The following CNTNAP5 variants were observed in gnomAD, a reference collection of about 807,000 sequenced individuals.
CNTNAP5 encodes contactin-associated protein-like 5.
CNTNAP5 carries 72 observed loss-of-function variants against 150.2 expected under a neutral mutation model. The ratio of observed to expected loss-of-function variants is 0.48; its 90% CI spans 0.40 to 0.58. The LOEUF (loss-of-function observed/expected upper bound fraction) is 0.58. CNTNAP5 is among the 20% of genes least tolerant of loss of function. CNTNAP5 has a pLI of 0.00. For missense variants in CNTNAP5, 1,636 were observed against 1,626.2 expected (o/e 1.01, Z -0.10); for synonymous variants, 672 against 619.8 (o/e 1.08, Z -1.25).
At chr2:124,468,277 C>T (rs1693428177) in intron 6 of CNTNAP5, among the ~76,000 whole-genome samples, 1 of 152,096 alleles carries the variant, frequency 6.6e-6, no homozygotes, top group Non-Finnish European at 1.5e-5. Context: ...AAGGTAGTGG[C>T]TCAGTCCAAG....
chr2:124,282,865 A>G (rs1157630078), intron 3 of CNTNAP5, among the ~76,000 whole-genome samples: 3 of 152,300 alleles, frequency 2.0e-5, no homozygotes, highest in South Asian at 4.1e-4. Flanking sequence ...TTTCTATTAT[A>G]TATGAAATAG....
At chr2:124,168,532 G>A (rs1684858697) in intron 1 of CNTNAP5, among the ~76,000 whole-genome samples, 1 of 152,144 alleles carries the variant, frequency 6.6e-6, no homozygotes, top group Non-Finnish European at 1.5e-5. Flanking sequence ...AACCTGCTCC[G>A]ATGTGGTTGG....
chr2:124,301,498 A>ACTTTATAATG (rs1296866283), intron 3 of CNTNAP5, among the ~76,000 whole-genome samples: 1 of 152,184 alleles, frequency 6.6e-6, no homozygotes, highest in Non-Finnish European at 1.5e-5. Flanking sequence ...TTGGAAAATG[A>ACTTTATAATG]CTTTATAATG....
At chr2:124,534,699 C>A (rs1573442566) in intron 10 of CNTNAP5, among the ~76,000 whole-genome samples, 1 of 152,230 alleles carries the variant, frequency 6.6e-6, no homozygotes, top group African/African-American at 2.4e-5. Context: ...ATGGCGAAAC[C>A]CCGTCTCTAC....
intron 3 of CNTNAP5, among the ~76,000 whole-genome samples, chr2:124,332,810 G>T (rs1689381437): frequency 6.6e-6 from 1 of 151,996 alleles, no homozygotes. Flanking sequence ...ATCTAATAGT[G>T]ATAAAAGTTG....
intron 6 of CNTNAP5, among the ~76,000 whole-genome samples, chr2:124,466,961 T>C (rs1693392399): frequency 6.6e-6 from 1 of 151,974 alleles, no homozygotes; most frequent in African/African-American, 2.4e-5. Context: ...TAAAAACAGG[T>C]TTGAAATGCG....
chr2:124,578,350 A>T (rs1405328663), intron 11 of CNTNAP5, among the ~76,000 whole-genome samples: 1 of 149,654 alleles, frequency 6.7e-6, no homozygotes, highest in Non-Finnish European at 1.5e-5. Flanking sequence ...AAAAAAAAAG[A>T]TGCTGAACAT....
chr2:124,172,713 A>G (rs1447523333), intron 1 of CNTNAP5, among the ~76,000 whole-genome samples: 1 of 151,954 alleles, frequency 6.6e-6, no homozygotes, highest in Non-Finnish European at 1.5e-5. Context: ...GGCACCCGGC[A>G]GTATCATGGT....
At chr2:124,636,853 C>T (rs965437262) in intron 12 of CNTNAP5, among the ~76,000 whole-genome samples, 14 of 149,526 alleles carry the variant, frequency 9.4e-5, no homozygotes, top group African/African-American at 2.7e-4. Context: ...ATACCCTTCA[C>T]GTTTACGATT....
chr2:124,064,908 G>A (rs1487883756), intron 1 of CNTNAP5, among the ~76,000 whole-genome samples: 2 of 152,146 alleles, frequency 1.3e-5, no homozygotes, highest in African/African-American at 2.4e-5. Context: ...TGGAAAGTGG[G>A]TTTTGACCCT....
At chr2:124,776,381 A>T (rs1455424089) in intron 17 of CNTNAP5, among the ~76,000 whole-genome samples, 1 of 152,098 alleles carries the variant, frequency 6.6e-6, no homozygotes, top group Non-Finnish European at 1.5e-5. Context: ...CACTGACTTG[A>T]TAAGTCATAA....
At chr2:124,233,738 C>T (rs565313219) in intron 2 of CNTNAP5, among the ~76,000 whole-genome samples, 87 of 151,438 alleles carry the variant, frequency 5.7e-4, no homozygotes, top group Admixed American at 1.1e-3. Flanking sequence ...CAATTCAATA[C>T]ACTCATATTT....
At chr2:124,771,283 T>C (rs1259372870) in intron 16 of CNTNAP5, among the ~76,000 whole-genome samples, 4 of 152,180 alleles carry the variant, frequency 2.6e-5, no homozygotes, top group Non-Finnish European at 5.9e-5. Flanking sequence ...AAGGAATGCC[T>C]AGCATATGAA....
chr2:124,166,139 A>C (rs1168133166), intron 1 of CNTNAP5, among the ~76,000 whole-genome samples: 5 of 152,164 alleles, frequency 3.3e-5, no homozygotes, highest in Non-Finnish European at 2.9e-5. Context: ...AAAATTCTTG[A>C]AACAGCCAAA....
chr2:124,382,232 A>G (rs1690813517), intron 3 of CNTNAP5, among the ~76,000 whole-genome samples: 1 of 152,066 alleles, frequency 6.6e-6, no homozygotes, highest in Non-Finnish European at 1.5e-5. Context: ...TCTGCACTGG[A>G]AAGAAGGTAG....
At chr2:124,446,959 C>A in intron 6 of CNTNAP5, 22 bp downstream of exon 6, 1 of 1,604,250 alleles carries the variant, frequency 6.2e-7, no homozygotes, top group Non-Finnish European at 8.5e-7. Context: ...CTCCTTCCTG[C>A]ACCTCCTCGG....
At chr2:124,830,206 A>G (rs1682684493) in intron 19 of CNTNAP5, among the ~76,000 whole-genome samples, 1 of 152,000 alleles carries the variant, frequency 6.6e-6, no homozygotes, top group African/African-American at 2.4e-5. Flanking sequence ...ACTGCAAAAG[A>G]TGTCAAAATG....
rs142751001 is a variant in CNTNAP5, at chr2:124,612,026, G to T, written c.1876+2106G>T. ...AGTCAAGACTTAGGAAGCGGGCATA[G>T]CCTTCTGGTTCAGTAATAATTCATA... On this transcript the variant is annotated intron_variant, in intron 12 of 23. Coordinates refer to ENST00000682447, the MANE Select transcript of CNTNAP5 (RefSeq NM_001367498.1). Among the ~76,000 whole-genome samples, 368 of 152,306 alleles carry T rather than the reference G, an allele frequency of 2.4e-3. 1 individual carries two copies. Among genetic ancestry groups the T allele is most frequent in the African/African-American group, 8.3e-3 (346 of 41,568 alleles).
intron 2 of CNTNAP5, among the ~76,000 whole-genome samples, chr2:124,229,256 A>G (rs975238245): frequency 2.0e-5 from 3 of 152,144 alleles, no homozygotes; most frequent in Non-Finnish European, 2.9e-5. Flanking sequence ...GAGTTCCATC[A>G]ATAACAAACT....
Sources: allele counts gnomAD v4.1 joint callset (sites outside exome capture counted in the v4.1 genomes callset), GRCh38; gene constraint gnomAD v4.1.1; transcripts MANE v1.5; gene names NCBI Gene and HGNC (gene_info 2026-07-23, HGNC 2026-07-21).